The following FHIT variants were observed in gnomAD, a reference collection of about 807,000 sequenced individuals.
The protein encoded by FHIT is fragile histidine triad diadenosine triphosphatase, also known as bis(5'-adenosyl)-triphosphatase.
A neutral mutation model predicts 17.9 loss-of-function variants in FHIT; 19 were observed. The observed-to-expected ratio is 1.06, with a 90% confidence interval of 0.74 to 1.56. The LOEUF (loss-of-function observed/expected upper bound fraction) is 1.56. Ranked by LOEUF, FHIT falls within the 40% of genes most tolerant of loss-of-function variation. The pLI is 0.00. For missense variants in FHIT, 248 were observed against 189.2 expected (o/e 1.31, Z -1.82); for synonymous variants, 81 against 69.7 (o/e 1.16, Z -0.81).
chr3:60,053,645 G>T (rs1194446466), intron 5 of FHIT, among the ~76,000 whole-genome samples: 1 of 151,972 alleles, frequency 6.6e-6, no homozygotes, highest in African/African-American at 2.4e-5. Flanking sequence ...AAGATGGAAA[G>T]AAATTGAGTC....
chr3:59,997,916 A>G (rs1177373266), intron 7 of FHIT, among the ~76,000 whole-genome samples: 1 of 152,108 alleles, frequency 6.6e-6, no homozygotes, highest in Non-Finnish European at 1.5e-5. Flanking sequence ...ATTACGTATA[A>G]TTTATTAAAC....
chr3:60,266,149 C>G (rs1345347836), intron 5 of FHIT, among the ~76,000 whole-genome samples: 1 of 151,912 alleles, frequency 6.6e-6, no homozygotes, highest in Non-Finnish European at 1.5e-5. Flanking sequence ...TGGAAACACC[C>G]CAAATTTCCA....
intron 4 of FHIT, among the ~76,000 whole-genome samples, chr3:60,658,686 C>A (rs1577037115): frequency 6.6e-6 from 1 of 151,820 alleles, no homozygotes; most frequent in African/African-American, 2.4e-5. Flanking sequence ...ATGTAGAAAA[C>A]AAAATGTGGA....
At chr3:60,942,532 A>G (rs1708459899) in intron 3 of FHIT, among the ~76,000 whole-genome samples, 1 of 151,024 alleles carries the variant, frequency 6.6e-6, no homozygotes, top group African/African-American at 2.4e-5. Flanking sequence ...TTTAGCTCCC[A>G]TTTTTCATTT....
chr3:60,424,272 T>G (rs546462261), intron 5 of FHIT, among the ~76,000 whole-genome samples: 2 of 152,242 alleles, frequency 1.3e-5, no homozygotes, highest in South Asian at 2.1e-4. Context: ...TAGACTACCC[T>G]GCGTCTCAAT....
At chr3:59,909,760 T>G (rs1559721309) in intron 8 of FHIT, among the ~76,000 whole-genome samples, 2 of 152,220 alleles carry the variant, frequency 1.3e-5, no homozygotes, top group Non-Finnish European at 2.9e-5. Context: ...CAACTGCCAG[T>G]AAATATTGGC....
chr3:60,849,055 C>G (rs1703038258), intron 3 of FHIT, among the ~76,000 whole-genome samples: 1 of 152,012 alleles, frequency 6.6e-6, no homozygotes, highest in Non-Finnish European at 1.5e-5. Context: ...CTATAGTTAT[C>G]CATGCAGACT....
intron 5 of FHIT, among the ~76,000 whole-genome samples, chr3:60,015,764 A>G (rs80274592): frequency 1.0e-3 from 156 of 152,318 alleles, no homozygotes; most frequent in Non-Finnish European, 1.9e-3. Context: ...CACTTCAACA[A>G]TGGCTTACTG....
At chr3:60,134,433 GC>G (rs2107277498) in intron 5 of FHIT, among the ~76,000 whole-genome samples, 1 of 152,268 alleles carries the variant, frequency 6.6e-6, no homozygotes, top group Admixed American at 6.5e-5. Context: ...CATCCAATAA[GC>G]TTTTTTAAAA....
intron 4 of FHIT, among the ~76,000 whole-genome samples, chr3:60,815,504 C>T (rs915706716): frequency 2.9e-4 from 44 of 151,942 alleles, no homozygotes; most frequent in Non-Finnish European, 4.4e-5. Context: ...AACCTTTCTC[C>T]ATTGCTTTTG....
intron 3 of FHIT, among the ~76,000 whole-genome samples, chr3:60,925,437 A>G (rs1707540953): frequency 6.6e-6 from 1 of 152,224 alleles, no homozygotes. Flanking sequence ...TTTTCAACCC[A>G]GAATTTCATA....
chr3:60,969,164 T>C (rs1452444475), intron 3 of FHIT, among the ~76,000 whole-genome samples: 4 of 152,246 alleles, frequency 2.6e-5, no homozygotes, highest in Non-Finnish European at 2.9e-5. Flanking sequence ...TGGGCTCTTT[T>C]TTGTGGGAAG....
intron 8 of FHIT, among the ~76,000 whole-genome samples, chr3:59,822,584 C>T (rs919147654): frequency 6.6e-6 from 1 of 151,952 alleles, no homozygotes; most frequent in African/African-American, 2.4e-5. Flanking sequence ...ATTTTTTGAC[C>T]ATTTGTACAT....
chr3:60,484,118 A>C (rs1048998607), intron 5 of FHIT, among the ~76,000 whole-genome samples: 1 of 152,156 alleles, frequency 6.6e-6, no homozygotes, highest in Non-Finnish European at 1.5e-5. Flanking sequence ...AACAGCTAAC[A>C]GGGGATGTGA....
intron 2 of FHIT, among the ~76,000 whole-genome samples, chr3:61,063,719 C>G (rs890709921): frequency 6.6e-6 from 1 of 152,136 alleles, no homozygotes; most frequent in African/African-American, 2.4e-5. Flanking sequence ...ACGTGGTAAA[C>G]TGAAACACAT....
intron 5 of FHIT, among the ~76,000 whole-genome samples, chr3:60,241,664 G>T (rs1496651): frequency 0.12 from 17,711 of 152,046 alleles, 2,710 homozygotes; most frequent in African/African-American, 0.36. Flanking sequence ...TGCCTGGAGA[G>T]AGTTAAATAT....
At chr3:60,228,957 C>G (rs1311674395) in intron 5 of FHIT, among the ~76,000 whole-genome samples, 1 of 152,174 alleles carries the variant, frequency 6.6e-6, no homozygotes, top group Non-Finnish European at 1.5e-5. Context: ...AGTTGCTGAG[C>G]CACTAAGTGG....
chr3:59,823,023 G>T (rs1700849710), intron 8 of FHIT, among the ~76,000 whole-genome samples: 2 of 152,156 alleles, frequency 1.3e-5, no homozygotes, highest in South Asian at 4.1e-4. Flanking sequence ...CGTGTGACTT[G>T]CCAATTATCC....
chr3:60,185,644 G>A (rs1204980229), intron 5 of FHIT, among the ~76,000 whole-genome samples: 1 of 152,190 alleles, frequency 6.6e-6, no homozygotes, highest in Non-Finnish European at 1.5e-5. Flanking sequence ...CTAGGTATAT[G>A]ACTGCTGGAT....
Sources: gnomAD v4.1 joint callset for allele counts (sites outside exome capture counted in the v4.1 genomes callset) on GRCh38, gnomAD v4.1.1 for gene constraint, MANE v1.5 for transcripts, NCBI Gene and HGNC (gene_info 2026-07-23, HGNC 2026-07-21) for gene names.